The following FGF12 variants were observed in gnomAD, a reference collection of about 807,000 sequenced individuals.
FGF12 encodes the protein fibroblast growth factor 12.
Under a neutral mutation model 23.6 loss-of-function variants are expected in FGF12, and 14 were observed. That is an observed-to-expected ratio of 0.59 (90% CI 0.39 to 0.93). The LOEUF is 0.93. Among genes scored for constraint, FGF12 ranks in the 40% least tolerant of loss-of-function variants. FGF12 has a pLI of 0.00. For synonymous variants in FGF12, 62 were observed against 77.3 expected, an observed-to-expected ratio of 0.80 and a Z score of 1.04; for missense variants, 175 against 217.8, an observed-to-expected ratio of 0.80 and a Z score of 1.24.
chr3:192,526,977 C>A (rs1398155562), intron 2 of FGF12, among the ~76,000 whole-genome samples: 4 of 152,058 alleles, frequency 2.6e-5, no homozygotes, highest in African/African-American at 9.7e-5. Flanking sequence ...AGAAAAGGAG[C>A]CTTTGGAACC....
chr3:192,159,976 GT>G (rs1714775886), intron 5 of FGF12, among the ~76,000 whole-genome samples: 1 of 141,696 alleles, frequency 7.1e-6, no homozygotes, highest in African/African-American at 2.9e-5. Flanking sequence ...GTGTGTGTGT[GT>G]GTACACATTT....
chr3:192,329,170 C>T (rs1325948950), intron 4 of FGF12, among the ~76,000 whole-genome samples: 3 of 152,088 alleles, frequency 2.0e-5, no homozygotes, highest in African/African-American at 7.2e-5. Flanking sequence ...CGATGTAATT[C>T]CTGCCCACCA....
At chr3:192,337,826 A>G (rs1241551887) in intron 3 of FGF12, among the ~76,000 whole-genome samples, 1 of 152,186 alleles carries the variant, frequency 6.6e-6, no homozygotes, top group African/African-American at 2.4e-5. Flanking sequence ...CCATAAGACT[A>G]TTGTAAAAAC....
At chr3:192,215,649 A>G (rs1718155974) in intron 4 of FGF12, among the ~76,000 whole-genome samples, 1 of 152,132 alleles carries the variant, frequency 6.6e-6, no homozygotes, top group Admixed American at 6.5e-5. Context: ...TTCTGTTAGG[A>G]AGTTCTCATT....
intron 2 of FGF12, among the ~76,000 whole-genome samples, chr3:192,704,626 G>A (rs1718408676): frequency 6.6e-6 from 1 of 152,124 alleles, no homozygotes; most frequent in African/African-American, 2.4e-5. Context: ...TCCATTTAAA[G>A]TCACCAGCTG....
At chr3:192,535,381 T>G (rs1725201025) in intron 2 of FGF12, among the ~76,000 whole-genome samples, 2 of 152,204 alleles carry the variant, frequency 1.3e-5, no homozygotes, top group East Asian at 3.8e-4. Flanking sequence ...AGAATAGGTC[T>G]TCTTTCTTCA....
At chr3:192,695,767 A>G (rs900806888) in intron 2 of FGF12, among the ~76,000 whole-genome samples, 1 of 152,136 alleles carries the variant, frequency 6.6e-6, no homozygotes, top group Non-Finnish European at 1.5e-5. Flanking sequence ...TGGGTCAATT[A>G]GTTGGCGAGG....
chr3:192,457,046 T>C (rs1722703163), intron 2 of FGF12, among the ~76,000 whole-genome samples: 1 of 152,154 alleles, frequency 6.6e-6, no homozygotes, highest in Non-Finnish European at 1.5e-5. Context: ...ATCTGTTGGT[T>C]TTATCAGGGG....
rs1717432017 is a variant in FGF12 at position 192,336,654 on chromosome 3, T to C, written c.125-1190A>G. Among the ~76,000 whole-genome samples, 1 of 152,190 alleles carries C rather than the reference T, an allele frequency of 6.6e-6. No homozygotes were observed. The highest frequency in any genetic ancestry group is 1.5e-5 in the Non-Finnish European group (1 of 68,010). On this transcript the variant is annotated intron_variant, in intron 3 of 5. Coordinates refer to ENST00000445105, the MANE Select transcript of FGF12 (RefSeq NM_004113.6). This position sits in a 1 kb window ranked among gnomAD's most constrained non-coding sequence, Gnocchi z 4.3. ...TAGAAGTTCTTATCCACTTTTTCTG[T>C]TGATAAAATTCCTATCAGTTCTCGT...
intron 4 of FGF12, among the ~76,000 whole-genome samples, chr3:192,259,815 A>G (rs1044758266): frequency 6.6e-6 from 1 of 152,142 alleles, no homozygotes; most frequent in Non-Finnish European, 1.5e-5. Context: ...TTGCTGAAGC[A>G]TAGGATGTAG....
rs1361591252 is a variant in FGF12, at chr3:192,154,170, C to A, written c.428-10043G>T. On this transcript the variant is annotated intron_variant, in intron 5 of 5. Transcript: ENST00000445105. Reference sequence around the variant, plus strand: ...GCCTTGGTTTTCAGCTCCATCAGCTCCTTTAAGCACTTCTCTGTATTGGTT... The same window carrying A: ...GCCTTGGTTTTCAGCTCCATCAGCTACTTTAAGCACTTCTCTGTATTGGTT... Among the ~76,000 whole-genome samples, 2 of 110,636 alleles carry A rather than the reference C, an allele frequency of 1.8e-5. 1 individual carries two copies. The highest frequency in any genetic ancestry group is 6.8e-5 in the African/African-American group (2 of 29,446). 72.6% of individuals were successfully genotyped at this position (110,636 alleles called of 152,430 possible).
chr3:192,704,314 ATGGCT>A (rs1162651970), intron 2 of FGF12, among the ~76,000 whole-genome samples: 1 of 152,226 alleles, frequency 6.6e-6, no homozygotes, highest in African/African-American at 2.4e-5. Context: ...TGTTTGATCC[ATGGCT>A]GCAGAATGGC....
At chr3:192,238,502 A>G (rs1264973452) in intron 4 of FGF12, 5 of 152,218 alleles carry the variant, frequency 3.3e-5, no homozygotes, top group Admixed American at 6.5e-5. Context: ...GGGGTCCACC[A>G]GGTCGTTTTC....
chr3:192,254,345 A>C (rs1712232375), intron 4 of FGF12, among the ~76,000 whole-genome samples: 1 of 151,924 alleles, frequency 6.6e-6, no homozygotes, highest in Non-Finnish European at 1.5e-5. Context: ...CAAAAATGAC[A>C]GGATTTCCCA....
intron 2 of FGF12, among the ~76,000 whole-genome samples, chr3:192,710,957 G>C (rs1212264710): frequency 6.6e-6 from 1 of 152,142 alleles, no homozygotes; most frequent in African/African-American, 2.4e-5. Flanking sequence ...AAGACCTAAA[G>C]ATACGGACCT....
chr3:192,727,178 T>A lies in FGF12; in HGVS notation c.13+3A>T. The A allele has an allele frequency of 6.3e-7, 1 of 1,579,738 alleles. No homozygotes were observed. The highest frequency in any genetic ancestry group is 8.6e-7 in the Non-Finnish European group (1 of 1,162,670). ...AAGTCCCCCGATAGGGACAACCACATACCTTTGCTCTCCATTTCGGTCCCT... is the reference window on the plus strand; with the variant it reads ...AAGTCCCCCGATAGGGACAACCACAAACCTTTGCTCTCCATTTCGGTCCCT... On this transcript the variant is annotated splice_donor_region_variant and intron_variant, in intron 2 of 5. Transcript: ENST00000445105.
rs1560040558 is a variant in FGF12 at position 192,261,697 on chromosome 3, C to CGT, written c.228+73663_228+73664insAC. 8.6e-4 allele frequency among the ~76,000 whole-genome samples: 131 copies of CGT among 152,288 alleles called. 2 individuals carry two copies. The highest frequency in any genetic ancestry group is 3.0e-3 in the African/African-American group (126 of 41,578). On this transcript the variant is annotated intron_variant, in intron 4 of 5. Coordinates refer to ENST00000445105, the MANE Select transcript of FGF12 (RefSeq NM_004113.6). ...CTTTTTTGCTTACATCATGAGCTTA[C>CGT]ATCGAACACAGTGGTTACAAATAGA... is the stretch of plus-strand genomic sequence containing the variant.
intron 4 of FGF12, among the ~76,000 whole-genome samples, chr3:192,199,496 A>G (rs529328803): frequency 6.6e-6 from 1 of 152,294 alleles, no homozygotes; most frequent in African/African-American, 2.4e-5. Context: ...TAGCTTAGTG[A>G]AGCCAGCTAA....
chr3:192,239,967 A>T (rs567402138), intron 4 of FGF12, among the ~76,000 whole-genome samples: 1 of 152,320 alleles, frequency 6.6e-6, no homozygotes, highest in South Asian at 2.1e-4. Context: ...TGTATTAGAC[A>T]CTATGGGTGC....
Sources: allele counts gnomAD v4.1 joint callset (sites outside exome capture counted in the v4.1 genomes callset), GRCh38; gene constraint gnomAD v4.1.1; non-coding constraint Gnocchi (gnomAD v3.1); transcripts MANE v1.5; gene names NCBI Gene and HGNC (gene_info 2026-07-23, HGNC 2026-07-21).